ZNF804A: variants seen among roughly 807,000 people sequenced by gnomAD.
The protein encoded by ZNF804A is zinc finger protein 804A.
In ZNF804A, 2 loss-of-function variants were observed where a neutral mutation model predicts 16.5. The observed-to-expected ratio is 0.12, with a 90% CI of 0.05 to 0.38. The LOEUF is 0.38. ZNF804A is among the 10% of genes least tolerant of loss of function. The pLI is 0.99. For synonymous variants in ZNF804A, 534 were observed against 489.6 expected (o/e 1.09, Z -1.20); for missense variants, 1,473 against 1,390.7 (o/e 1.06, Z -0.94).
intron 1 of ZNF804A, among the ~76,000 whole-genome samples, chr2:184,707,024 A>G (rs1340597277): frequency 6.6e-6 from 1 of 152,178 alleles, no homozygotes; most frequent in Non-Finnish European, 1.5e-5. Context: ...CTGAAATGCC[A>G]GGTTTGTTAA....
At chr2:184,787,588 A>G (rs994307606) in intron 1 of ZNF804A, among the ~76,000 whole-genome samples, 1 of 151,784 alleles carries the variant, frequency 6.6e-6, no homozygotes, top group Non-Finnish European at 1.5e-5. Context: ...TTTAATTTGC[A>G]TTTCTCTGGT....
At chr2:184,691,413 T>TTA (rs1162738215) in intron 1 of ZNF804A, among the ~76,000 whole-genome samples, 131 of 151,496 alleles carry the variant, frequency 8.6e-4, no homozygotes, top group African/African-American at 2.9e-3. Context: ...AAATCATATA[T>TTA]TCTATATATA....
At chr2:184,726,818 G>A (rs974002872) in intron 1 of ZNF804A, among the ~76,000 whole-genome samples, 5 of 151,384 alleles carry the variant, frequency 3.3e-5, no homozygotes, top group African/African-American at 1.2e-4. Context: ...TATATACCTT[G>A]TAACAGTTTT....
chr2:184,781,165 G>C (rs769597652), intron 1 of ZNF804A, among the ~76,000 whole-genome samples: 26 of 151,724 alleles, frequency 1.7e-4, no homozygotes, highest in Non-Finnish European at 3.7e-4. Flanking sequence ...TAGATTTGGG[G>C]AAACAGAGAC....
At chr2:184,629,142 G>A (rs530125278) in intron 1 of ZNF804A, among the ~76,000 whole-genome samples, 2 of 151,896 alleles carry the variant, frequency 1.3e-5, no homozygotes, top group East Asian at 1.9e-4. Context: ...ATTGATTCAC[G>A]GGCATTCTTT....
chr2:184,933,301 T>C (rs565092272), intron 2 of ZNF804A, among the ~76,000 whole-genome samples: 2 of 152,270 alleles, frequency 1.3e-5, no homozygotes, highest in South Asian at 2.1e-4. Flanking sequence ...GCACGAATCC[T>C]TCATCTGAAT....
At chr2:184,851,729 T>A (rs1216164172) in intron 1 of ZNF804A, among the ~76,000 whole-genome samples, 1 of 151,872 alleles carries the variant, frequency 6.6e-6, no homozygotes, top group African/African-American at 2.4e-5. Context: ...GATCATATGG[T>A]AGTTCTATTT....
chr2:184,817,887 C>T (rs181969748), intron 1 of ZNF804A, among the ~76,000 whole-genome samples: 1 of 152,016 alleles, frequency 6.6e-6, no homozygotes, highest in Admixed American at 6.6e-5. Flanking sequence ...CAAACAAAAC[C>T]TCTGAGAAAT....
intron 1 of ZNF804A, among the ~76,000 whole-genome samples, chr2:184,750,581 T>C (rs1256961580): frequency 6.6e-6 from 1 of 151,336 alleles, no homozygotes; most frequent in Non-Finnish European, 1.5e-5. Flanking sequence ...TGGAGCTAAG[T>C]ATATACCTGT....
chr2:184,714,779 C>T (rs1693187614), intron 1 of ZNF804A, among the ~76,000 whole-genome samples: 1 of 152,022 alleles, frequency 6.6e-6, no homozygotes, highest in African/African-American at 2.4e-5. Flanking sequence ...CCAACATGTA[C>T]ACAACAATAT....
At chr2:184,685,577 G>A (rs923251163) in intron 1 of ZNF804A, among the ~76,000 whole-genome samples, 1 of 152,108 alleles carries the variant, frequency 6.6e-6, no homozygotes, top group African/African-American at 2.4e-5. Context: ...CAGCTCTCAG[G>A]AGACTAAAAG....
At chr2:184,828,650 A>G (rs1297061216) in intron 1 of ZNF804A, among the ~76,000 whole-genome samples, 3 of 151,816 alleles carry the variant, frequency 2.0e-5, no homozygotes, top group Admixed American at 1.3e-4. Context: ...TTATTTCCTA[A>G]TATATCAATG....
At chr2:184,887,867 A>G (rs940066426) in intron 2 of ZNF804A, among the ~76,000 whole-genome samples, 9 of 152,228 alleles carry the variant, frequency 5.9e-5, no homozygotes, top group South Asian at 2.1e-4. Flanking sequence ...GAGTTAACAC[A>G]GGAACAGAAA....
chr2:184,794,118 C>G (rs540658194), intron 1 of ZNF804A, among the ~76,000 whole-genome samples: 8 of 152,222 alleles, frequency 5.3e-5, no homozygotes, highest in South Asian at 2.1e-4. Flanking sequence ...AATGGTAGTT[C>G]TATTTTTAGT....
intron 1 of ZNF804A, among the ~76,000 whole-genome samples, chr2:184,834,071 G>A (rs1049280669): frequency 6.6e-6 from 1 of 152,022 alleles, no homozygotes; most frequent in African/African-American, 2.4e-5. Context: ...ATGGTTGTGA[G>A]TGATGATTTT....
chr2:184,620,409 A>G (rs1480234143), intron 1 of ZNF804A, among the ~76,000 whole-genome samples: 1 of 151,840 alleles, frequency 6.6e-6, no homozygotes, highest in Non-Finnish European at 1.5e-5. Context: ...GAGGAAGACT[A>G]TCTGTGAAAA....
At chr2:184,643,692 T>G (rs560035755) in intron 1 of ZNF804A, among the ~76,000 whole-genome samples, 41 of 151,798 alleles carry the variant, frequency 2.7e-4, no homozygotes, top group African/African-American at 9.9e-4. Context: ...GCTCTTGCAA[T>G]TTTTGTACAT....
chr2:184,803,442 T>C (rs1187457799), intron 1 of ZNF804A, among the ~76,000 whole-genome samples: 1 of 152,188 alleles, frequency 6.6e-6, no homozygotes, highest in Non-Finnish European at 1.5e-5. Flanking sequence ...ATTGTCTTTC[T>C]TTTTCCTCTC....
At chr2:184,667,322 C>T (rs1692269601) in intron 1 of ZNF804A, among the ~76,000 whole-genome samples, 1 of 151,830 alleles carries the variant, frequency 6.6e-6, no homozygotes, top group Non-Finnish European at 1.5e-5. Context: ...AACTTTATTT[C>T]ATCTCATAAA....
Sources: gnomAD v4.1 joint callset for allele counts (sites outside exome capture counted in the v4.1 genomes callset) on GRCh38, gnomAD v4.1.1 for gene constraint, MANE v1.5 for transcripts, NCBI Gene and HGNC (gene_info 2026-07-23, HGNC 2026-07-21) for gene names.